Variants in FLYWCH2 observed in about 807,000 individuals in gnomAD.
The protein encoded by FLYWCH2 is FLYWCH family member 2.
Under a neutral mutation model 6.0 loss-of-function variants are expected in FLYWCH2, and 2 were observed. The observed-to-expected ratio is 0.33, with a 90% CI of 0.14 to 1.04. FLYWCH2 has a LOEUF of 1.04. FLYWCH2 is among the 50% of genes least tolerant of loss of function. FLYWCH2 has a pLI of 0.45. For missense variants in FLYWCH2, 192 were observed against 183.4 expected (o/e 1.05, Z -0.27); for synonymous variants, 87 against 79.3 (o/e 1.10, Z -0.52).
intron 1 of FLYWCH2, among the ~76,000 whole-genome samples, chr16:2,887,313 C>CTTTTTTTTTTTTTTTT (rs71158114): frequency 2.8e-5 from 2 of 72,538 alleles, no homozygotes; most frequent in African/African-American, 4.8e-5. Context: ...GCCCGGCTTT[C>CTTTTTTTTTTTTTTTT]TTTTTTTTTT....
rs188104606 is a variant in FLYWCH2 at position 2,893,790 on chromosome 16, A to C, written c.-199-1430A>C. 3.2e-3 allele frequency among the ~76,000 whole-genome samples: 484 copies of C among 151,714 alleles called. 2 individuals carry two copies. The highest frequency in any genetic ancestry group is 0.011 in the African/African-American group (462 of 41,438). On this transcript the variant is annotated intron_variant, in intron 1 of 3. Coordinates refer to ENST00000396958, the MANE Select transcript of FLYWCH2 (RefSeq NM_138439.3). ...GTAGCTGGGATTACGGGCGCCCGCC[A>C]CCACGCCGGGCTAATTTTTTGTATT...
At chr16:2,898,734 C>G in intron 3 of FLYWCH2, 1 of 278,592 alleles carries the variant, frequency 3.6e-6, no homozygotes. Flanking sequence ...GCATCGACCA[C>G]CCCCATCTGC....
intron 2 of FLYWCH2, among the ~76,000 whole-genome samples, chr16:2,895,806 C>T (rs1462223846): frequency 6.6e-6 from 1 of 152,228 alleles, no homozygotes; most frequent in Non-Finnish European, 1.5e-5. Flanking sequence ...GTGTTTAGCT[C>T]TGATGCTTGG....
chr16:2,885,061 G>A (rs1396752884), intron 1 of FLYWCH2, among the ~76,000 whole-genome samples: 2 of 152,030 alleles, frequency 1.3e-5, no homozygotes, highest in South Asian at 2.1e-4. Context: ...GGTGGCTCAC[G>A]CCTGTTATCC....
At chr16:2,894,580 C>T (rs1302397730) in intron 1 of FLYWCH2, among the ~76,000 whole-genome samples, 2 of 152,224 alleles carry the variant, frequency 1.3e-5, no homozygotes, top group African/African-American at 2.4e-5. Flanking sequence ...CCGGAAGGGC[C>T]GCACGGGAGG....
At position 2,889,137 on chromosome 16, in the gene FLYWCH2, G is replaced by T. The variant is rs199850843; in HGVS notation, c.-200+5771G>T. Among the ~76,000 whole-genome samples, 123 of 144,314 alleles carry T rather than the reference G, an allele frequency of 8.5e-4. No individual in the cohort carries two copies. The Middle Eastern group carries it at 0.015, about 17-fold the overall frequency. 94.7% of individuals were successfully genotyped at this position (144,314 alleles called of 152,430 possible). ...GCTCAAAATTTGGTGTTTTTTTGTT[G>T]TTGTTGTTGTTGTTTGTGTGTGTGT... On this transcript the variant is annotated intron_variant, in intron 1 of 3. Transcript: ENST00000396958.
chr16:2,885,211 A>G (rs1313728639), intron 1 of FLYWCH2, among the ~76,000 whole-genome samples: 1 of 151,628 alleles, frequency 6.6e-6, no homozygotes. Flanking sequence ...AGTCCCAGCT[A>G]CTCCGGAGGC....
chr16:2,888,920 G>A (rs2069726447), intron 1 of FLYWCH2, among the ~76,000 whole-genome samples: 1 of 152,092 alleles, frequency 6.6e-6, no homozygotes, highest in Non-Finnish European at 1.5e-5. Context: ...ATTTATTATT[G>A]CACTACTTAG....
At chr16:2,885,740 T>C (rs973881757) in intron 1 of FLYWCH2, among the ~76,000 whole-genome samples, 16 of 152,238 alleles carry the variant, frequency 1.1e-4, no homozygotes, top group African/African-American at 9.6e-5. Flanking sequence ...TTGGGCTGTT[T>C]TGAATATCCA....
At chr16:2,895,125 C>CCTGGAGCCCT (rs1166514192) in intron 1 of FLYWCH2, 95 bp from the exon 2 acceptor site, 5 of 152,360 alleles carry the variant, frequency 3.3e-5, no homozygotes, top group Admixed American at 1.3e-4. Context: ...CCCACACTGG[C>CCTGGAGCCCT]CTGGAGCCCC....
chr16:2,888,942 G>T (rs989284828), intron 1 of FLYWCH2, among the ~76,000 whole-genome samples: 3 of 152,064 alleles, frequency 2.0e-5, no homozygotes, highest in Non-Finnish European at 4.4e-5. Flanking sequence ...AGGTGTGCAT[G>T]GGACTAATTG....
chr16:2,885,548 C>CT (rs1227377487), intron 1 of FLYWCH2, among the ~76,000 whole-genome samples: 3 of 152,178 alleles, frequency 2.0e-5, no homozygotes, highest in Non-Finnish European at 4.4e-5. Flanking sequence ...TCTCTAGACT[C>CT]TAAGTAATTT....
chr16:2,892,165 C>G (rs2069765044), intron 1 of FLYWCH2, among the ~76,000 whole-genome samples: 1 of 151,472 alleles, frequency 6.6e-6, no homozygotes, highest in Non-Finnish European at 1.5e-5. Context: ...GCACTCCAGC[C>G]TGGGTGGGAA....
intron 1 of FLYWCH2, among the ~76,000 whole-genome samples, chr16:2,893,105 C>T (rs4786348): frequency 0.41 from 61,633 of 151,252 alleles, 12,861 homozygotes; most frequent in Non-Finnish European, 0.45. Flanking sequence ...CCCACACACC[C>T]GTCCAAGGAC....
At chr16:2,894,228 T>G (rs998842856) in intron 1 of FLYWCH2, among the ~76,000 whole-genome samples, 7 of 152,106 alleles carry the variant, frequency 4.6e-5, no homozygotes, top group African/African-American at 1.7e-4. Context: ...TGCTGTATCT[T>G]GCAGGAATTT....
chr16:2,893,762 C>A (rs184718174), intron 1 of FLYWCH2, among the ~76,000 whole-genome samples: 1 of 151,772 alleles, frequency 6.6e-6, no homozygotes, highest in Admixed American at 6.6e-5. Context: ...CTCAGCCTCC[C>A]GAGTAGCTGG....
At chr16:2,889,882 C>T (rs986863322) in intron 1 of FLYWCH2, among the ~76,000 whole-genome samples, 1 of 151,996 alleles carries the variant, frequency 6.6e-6, no homozygotes, top group African/African-American at 2.4e-5. Context: ...GTCTGGAGTT[C>T]GAGACCAGTC....
chr16:2,884,726 T>C, intron 1 of FLYWCH2, among the ~76,000 whole-genome samples: 1 of 149,844 alleles, frequency 6.7e-6, no homozygotes, highest in Non-Finnish European at 1.5e-5. Flanking sequence ...AATACAAAAT[T>C]AGCCGGGTGT....
intron 1 of FLYWCH2, among the ~76,000 whole-genome samples, chr16:2,892,953 T>C (rs2069775814): frequency 6.8e-6 from 1 of 147,872 alleles, no homozygotes; most frequent in South Asian, 2.1e-4. Flanking sequence ...GTTGTATATG[T>C]GTCATATATC....
Sources: gnomAD v4.1 joint callset for allele counts (sites outside exome capture counted in the v4.1 genomes callset) on GRCh38, gnomAD v4.1.1 for gene constraint, MANE v1.5 for transcripts, NCBI Gene and HGNC (gene_info 2026-07-23, HGNC 2026-07-21) for gene names.